TNFSF8: variants seen among roughly 807,000 people sequenced by gnomAD.
The protein encoded by TNFSF8 is tumor necrosis factor ligand superfamily member 8.
In TNFSF8, 4 loss-of-function variants were observed where a neutral mutation model predicts 22.0. The ratio of observed to expected loss-of-function variants is 0.18; its 90% CI spans 0.09 to 0.42. The LOEUF is 0.42. TNFSF8 is among the 10% of genes least tolerant of loss of function. The pLI is 1.00. For synonymous variants in TNFSF8, 106 were observed against 112.5 expected (o/e 0.94, Z 0.37); for missense variants, 233 against 281.8 (o/e 0.83, Z 1.24).
intron 2 of TNFSF8, 95 bp from the exon 3 acceptor site, chr9:114,905,994 T>C: frequency 1.3e-6 from 1 of 789,368 alleles, no homozygotes; most frequent in South Asian, 1.6e-5. Context: ...TGGAGACAAT[T>C]ACCGTTCTGT....
In TNFSF8 at chr9:114,901,194, T is replaced by C; in HGVS notation, c.*2737A>G. 1.0e-6 allele frequency: 1 copy of C among 985,320 alleles called. No homozygotes were observed. Among genetic ancestry groups the C allele is most frequent in the South Asian group, 4.7e-5 (1 of 21,292 alleles). The allele number at this position is 985,320 out of a possible 1,614,324, so 61.0% of individuals were successfully genotyped here. On this transcript the variant is annotated 3_prime_UTR_variant, in exon 4 of 4. Coordinates refer to ENST00000223795, the MANE Select transcript of TNFSF8 (RefSeq NM_001244.4). ...TTTACTTGCATAGATATCATTTTAC[T>C]CATGGAGTATCATTTGCTCATAACA...
At chr9:114,916,265 G>T (rs1366994309) in intron 2 of TNFSF8, among the ~76,000 whole-genome samples, 2 of 152,082 alleles carry the variant, frequency 1.3e-5, no homozygotes, top group East Asian at 3.8e-4. Context: ...TGTGAAAAGG[G>T]GGCTACCGTG....
At chr9:114,893,870 T>C in exon 5 of TNFSF8, 1 of 523,254 alleles carries the variant, frequency 1.9e-6, no homozygotes, top group Non-Finnish European at 3.4e-6. Flanking sequence ...GTCAGACTTT[T>C]TTCTCTCTCT....
intron 2 of TNFSF8, among the ~76,000 whole-genome samples, chr9:114,907,391 G>A (rs897660140): frequency 1.3e-5 from 2 of 152,176 alleles, no homozygotes; most frequent in African/African-American, 4.8e-5. Context: ...GGGGTTTGTA[G>A]TCAGAACCCC....
Position 114,903,429 on chromosome 9 carries a change from T to C in TNFSF8, c.*502A>G, listed in dbSNP as rs117760632. The C allele has an allele frequency of 0.023, 3,559 of 153,230 alleles. 72 individuals are homozygous for C. Among genetic ancestry groups the C allele is most frequent in the Admixed American group, 0.051 (787 of 15,358 alleles). 9.5% of individuals were successfully genotyped at this position (153,230 alleles called of 1,614,324 possible). A position where few individuals can be genotyped will look rare whatever the true frequency, so the allele number is the denominator to read the frequency against. ...AGTGTATCTGCCAGTATAGGGAAGT[T>C]TCCTGTGTGAGAGAGTCCTTGATCG... On this transcript the variant is annotated 3_prime_UTR_variant, in exon 4 of 4. Transcript: ENST00000223795.
chr9:114,921,779 A>T (rs1827990707), intron 1 of TNFSF8, among the ~76,000 whole-genome samples: 1 of 151,244 alleles, frequency 6.6e-6, no homozygotes, highest in African/African-American at 2.4e-5. Flanking sequence ...AAACAAATGG[A>T]CTCTCCCAGG....
downstream of TNFSF8, among the ~76,000 whole-genome samples, chr9:114,899,591 GC>G (rs1210096308): frequency 1.3e-5 from 2 of 152,150 alleles, no homozygotes; most frequent in Admixed American, 1.3e-4. Flanking sequence ...CAGGAAGAGA[GC>G]TAGATCCAGG....
chr9:114,915,559 A>G (rs1418116274), intron 2 of TNFSF8, among the ~76,000 whole-genome samples: 1 of 152,224 alleles, frequency 6.6e-6, no homozygotes, highest in Admixed American at 6.5e-5. Flanking sequence ...GAAGCCGGTC[A>G]TGCAGGGAGA....
chr9:114,921,211 G>T (rs1292288211), intron 1 of TNFSF8, among the ~76,000 whole-genome samples: 2 of 152,110 alleles, frequency 1.3e-5, no homozygotes, highest in Non-Finnish European at 2.9e-5. Flanking sequence ...CTTCACCCAG[G>T]GCCCAGGAAG....
In TNFSF8 at chr9:114,901,374, G is replaced by T. The variant is rs2131339633; in HGVS notation, c.*2557C>A. On this transcript the variant is annotated 3_prime_UTR_variant, in exon 4 of 4. Transcript: ENST00000223795. ...TATTCATTTAAATGATGTACCCCTT[G>T]TGTCTTTAGGTGTTGGCTTTCTTAG... 1 of 985,330 alleles carries T rather than the reference G, an allele frequency of 1.0e-6. No individual in the cohort carries two copies. Among genetic ancestry groups the T allele is most frequent in the Non-Finnish European group, 1.2e-6 (1 of 829,902 alleles). 61.0% of individuals were successfully genotyped at this position (985,330 alleles called of 1,614,324 possible).
Position 114,929,973 on chromosome 9 carries a change from T to TAGAG in TNFSF8, c.195+135_195+136insCTCT, listed in dbSNP as rs200259755. On this transcript the variant is annotated intron_variant, in intron 1 of 3. Transcript: ENST00000223795. ...CAGTATATACTATAGTATATATATATATATAGAGAGAGAGAGTTTATTTAT... is the reference window on the plus strand; with the variant it reads ...CAGTATATACTATAGTATATATATATAGAGATATAGAGAGAGAGAGTTTATTTAT... 7.4e-3 allele frequency: 2,546 copies of TAGAG among 345,134 alleles called. 29 individuals are homozygous for TAGAG. Among genetic ancestry groups the TAGAG allele is most frequent in the East Asian group, 0.018 (375 of 20,314 alleles). 21.4% of individuals were successfully genotyped at this position (345,134 alleles called of 1,614,324 possible).
At chr9:114,922,077 T>C (rs1827995936) in intron 1 of TNFSF8, among the ~76,000 whole-genome samples, 1 of 152,204 alleles carries the variant, frequency 6.6e-6, no homozygotes, top group African/African-American at 2.4e-5. Flanking sequence ...TTCCACTGGG[T>C]TATTGTGGAC....
rs3181376 is a variant in TNFSF8, at chr9:114,902,461, A to G, written c.*1470T>C. On this transcript the variant is annotated 3_prime_UTR_variant, in exon 4 of 4. Coordinates refer to ENST00000223795, the MANE Select transcript of TNFSF8 (RefSeq NM_001244.4). ...AATGCCTGCTGCTCAATTATTGTCA[A>G]TCTAACTGGAATAGAGTCAGGCCTC... The G allele has an allele frequency of 7.6e-4, 746 of 985,414 alleles. 4 individuals are homozygous for G. In the African/African-American group the frequency reaches 0.01, roughly 14 times the overall value. The allele number at this position is 985,414 out of a possible 1,614,324, so 61.0% of individuals were successfully genotyped here.
At chr9:114,922,135 A>T (rs980295849) in intron 1 of TNFSF8, among the ~76,000 whole-genome samples, 1 of 152,220 alleles carries the variant, frequency 6.6e-6, no homozygotes, top group Non-Finnish European at 1.5e-5. Context: ...AAGCATAGCT[A>T]TTTTGAGCAC....
At chr9:114,924,570 G>A (rs577074736) in intron 1 of TNFSF8, among the ~76,000 whole-genome samples, 1 of 152,226 alleles carries the variant, frequency 6.6e-6, no homozygotes, top group East Asian at 1.9e-4. Flanking sequence ...AATACAGCAA[G>A]ATATTGACAC....
chr9:114,915,653 C>A (rs1827909654), intron 2 of TNFSF8, among the ~76,000 whole-genome samples: 1 of 152,114 alleles, frequency 6.6e-6, no homozygotes, highest in Non-Finnish European at 1.5e-5. Context: ...TAGGCCTCAG[C>A]GCATCATCTG....
chr9:114,898,317 C>T (rs563310324), downstream of TNFSF8, among the ~76,000 whole-genome samples: 4 of 152,210 alleles, frequency 2.6e-5, no homozygotes, highest in Admixed American at 1.3e-4. Context: ...ATGCCTATTT[C>T]GTTGGATTGC....
At chr9:114,913,284 C>T (rs1041411798) in intron 2 of TNFSF8, among the ~76,000 whole-genome samples, 1 of 152,176 alleles carries the variant, frequency 6.6e-6, no homozygotes, top group Non-Finnish European at 1.5e-5. Flanking sequence ...GGCTACATTA[C>T]ATTTGTAGGA....
downstream of TNFSF8, among the ~76,000 whole-genome samples, chr9:114,898,282 C>A (rs4979471): frequency 1.4e-4 from 21 of 152,114 alleles, no homozygotes; most frequent in African/African-American, 4.8e-5. Context: ...GATTACAGGC[C>A]TGAGCCACCG....
Sources: gnomAD v4.1 joint callset for allele counts (sites outside exome capture counted in the v4.1 genomes callset) on GRCh38, gnomAD v4.1.1 for gene constraint, MANE v1.5 for transcripts, NCBI Gene and HGNC (gene_info 2026-07-23, HGNC 2026-07-21) for gene names.